The following CHST11 variants were observed in gnomAD, a reference collection of about 807,000 sequenced individuals.
The protein encoded by CHST11 is carbohydrate sulfotransferase 11.
Under a neutral mutation model 30.4 loss-of-function variants are expected in CHST11, and 9 were observed. The observed-to-expected ratio is 0.30, with a 90% CI of 0.18 to 0.52. The LOEUF is 0.52. Among genes scored for constraint, CHST11 ranks in the 20% least tolerant of loss-of-function variants. The probability of loss-of-function intolerance (pLI) is 0.97; values close to 1 mark genes in which losing one functional copy is unlikely to be tolerated. For synonymous variants in CHST11, 152 were observed against 187.8 expected (o/e 0.81, Z 1.56); for missense variants, 348 against 460.6 (o/e 0.76, Z 2.24).
chr12:104,466,336 CA>C (rs2037458378), intron 1 of CHST11, among the ~76,000 whole-genome samples: 1 of 151,940 alleles, frequency 6.6e-6, no homozygotes, highest in Non-Finnish European at 1.5e-5. Flanking sequence ...AAACAAAAAA[CA>C]AAAAACAAAA....
chr12:104,470,513 C>A (rs2037498485), intron 1 of CHST11, among the ~76,000 whole-genome samples: 1 of 152,156 alleles, frequency 6.6e-6, no homozygotes, highest in African/African-American at 2.4e-5. Context: ...TATTGCAATT[C>A]AAGGTGAGAT....
At chr12:104,476,856 A>G (rs892290427) in intron 1 of CHST11, among the ~76,000 whole-genome samples, 2 of 151,420 alleles carry the variant, frequency 1.3e-5, no homozygotes, top group Admixed American at 1.3e-4. Flanking sequence ...ATACTAGATT[A>G]TAGGCTTCTG....
chr12:104,611,910 G>T (rs1264595325), intron 2 of CHST11, among the ~76,000 whole-genome samples: 1 of 152,222 alleles, frequency 6.6e-6, no homozygotes, highest in Non-Finnish European at 1.5e-5. Flanking sequence ...AGGAGCAGGG[G>T]ATTGGTTGCC....
intron 2 of CHST11, among the ~76,000 whole-genome samples, chr12:104,709,233 C>G (rs1414146132): frequency 6.6e-6 from 1 of 152,198 alleles, no homozygotes; most frequent in Non-Finnish European, 1.5e-5. Context: ...CCTACGAGCC[C>G]CCTGCACCCA....
intron 2 of CHST11, among the ~76,000 whole-genome samples, chr12:104,687,738 T>C (rs900137559): frequency 1.3e-5 from 2 of 152,168 alleles, no homozygotes; most frequent in African/African-American, 4.8e-5. Context: ...AAATGGCCTT[T>C]CCTGCCTAGA....
At chr12:104,521,326 C>T (rs1239787131) in intron 1 of CHST11, among the ~76,000 whole-genome samples, 2 of 152,202 alleles carry the variant, frequency 1.3e-5, no homozygotes, top group African/African-American at 4.8e-5. Context: ...TGATTACATG[C>T]AGGTTGGTTT....
chr12:104,710,378 C>T (rs2040077075), intron 2 of CHST11, among the ~76,000 whole-genome samples: 1 of 152,150 alleles, frequency 6.6e-6, no homozygotes, highest in Non-Finnish European at 1.5e-5. Context: ...TCCCAGCAGG[C>T]TCTTTTCTTC....
chr12:104,616,478 T>G (rs1337072806), intron 2 of CHST11, among the ~76,000 whole-genome samples: 1 of 151,910 alleles, frequency 6.6e-6, no homozygotes, highest in African/African-American at 2.4e-5. Flanking sequence ...TTTTTTTTTT[T>G]TTTTTGAGAC....
chr12:104,483,902 C>T (rs1362361577), intron 1 of CHST11, among the ~76,000 whole-genome samples: 3 of 152,030 alleles, frequency 2.0e-5, no homozygotes, highest in Non-Finnish European at 4.4e-5. Context: ...AAGGTGGGGA[C>T]GTAGTCTCTG....
chr12:104,690,692 G>A (rs568763476), intron 2 of CHST11, among the ~76,000 whole-genome samples: 2 of 152,284 alleles, frequency 1.3e-5, no homozygotes, highest in East Asian at 3.9e-4. Flanking sequence ...AGCTGGGCAT[G>A]GGGGCATACG....
At chr12:104,690,833 A>G (rs12814148) in intron 2 of CHST11, among the ~76,000 whole-genome samples, 2 of 152,202 alleles carry the variant, frequency 1.3e-5, no homozygotes, top group East Asian at 1.9e-4. Context: ...GTCTCCAAAA[A>G]TAAAAATAAA....
At chr12:104,629,045 T>C (rs538324208) in intron 2 of CHST11, among the ~76,000 whole-genome samples, 1 of 152,306 alleles carries the variant, frequency 6.6e-6, no homozygotes, top group East Asian at 1.9e-4. Context: ...CTTAGTCTTC[T>C]GGCTAGTCTA....
At chr12:104,488,134 A>T (rs2037701424) in intron 1 of CHST11, among the ~76,000 whole-genome samples, 1 of 149,794 alleles carries the variant, frequency 6.7e-6, no homozygotes. Context: ...TTTTATATGG[A>T]TGATTTTTTT....
intron 2 of CHST11, among the ~76,000 whole-genome samples, chr12:104,664,828 A>T (rs1032640775): frequency 2.6e-5 from 4 of 152,260 alleles, no homozygotes; most frequent in African/African-American, 9.6e-5. Flanking sequence ...GAACTGTTTC[A>T]TGGAAACATT....
chr12:104,712,134 G>A (rs1443375277), intron 2 of CHST11, among the ~76,000 whole-genome samples: 1 of 152,150 alleles, frequency 6.6e-6, no homozygotes, highest in Non-Finnish European at 1.5e-5. Flanking sequence ...CCATGCAGAA[G>A]GCGCGGGGTG....
intron 1 of CHST11, among the ~76,000 whole-genome samples, chr12:104,482,652 G>A (rs947962602): frequency 5.3e-5 from 8 of 152,058 alleles, no homozygotes; most frequent in Non-Finnish European, 1.2e-4. Flanking sequence ...AATTATGGAG[G>A]ACCTAGTGTG....
intron 2 of CHST11, among the ~76,000 whole-genome samples, chr12:104,608,730 G>A (rs1001896353): frequency 2.6e-5 from 4 of 152,150 alleles, no homozygotes; most frequent in South Asian, 2.1e-4. Flanking sequence ...TTCACTCTAC[G>A]TAGTTTCTAC....
intron 2 of CHST11, among the ~76,000 whole-genome samples, chr12:104,619,906 A>C (rs1322532097): frequency 6.6e-6 from 1 of 152,218 alleles, no homozygotes; most frequent in African/African-American, 2.4e-5. Flanking sequence ...AGGAACTTGT[A>C]ATCTTTGCGA....
chr12:104,731,058 C>G (rs2040253096), intron 2 of CHST11, among the ~76,000 whole-genome samples: 1 of 152,238 alleles, frequency 6.6e-6, no homozygotes, highest in Non-Finnish European at 1.5e-5. Context: ...AGCTGTCTTC[C>G]TCAGGCCAGT....
Sources: gnomAD v4.1 joint callset for allele counts (sites outside exome capture counted in the v4.1 genomes callset) on GRCh38, gnomAD v4.1.1 for gene constraint, MANE v1.5 for transcripts, NCBI Gene and HGNC (gene_info 2026-07-23, HGNC 2026-07-21) for gene names.